Variants in EFL1 observed in about 807,000 individuals in gnomAD.
EFL1 encodes the protein elongation factor like GTPase 1.
EFL1 carries 76 observed loss-of-function variants against 126.7 expected under a neutral mutation model. The ratio of observed to expected loss-of-function variants is 0.60; its 90% CI spans 0.50 to 0.73. The LOEUF (loss-of-function observed/expected upper bound fraction) is 0.73. Ranked by LOEUF, EFL1 falls within the 30% of genes least tolerant of loss-of-function variation. The probability of loss-of-function intolerance (pLI) is 0.00; values close to 1 mark genes in which losing one functional copy is unlikely to be tolerated. For synonymous variants in EFL1, 410 were observed against 448.4 expected (o/e 0.91, Z 1.08); for missense variants, 1,128 against 1,343.2 (o/e 0.84, Z 2.50).
Position 82,208,666 on chromosome 15 carries a change from G to A in EFL1, c.1750+6051C>T, listed in dbSNP as rs530892104. 2.8e-4 allele frequency among the ~76,000 whole-genome samples: 42 copies of A among 152,084 alleles called. No individual in the cohort carries two copies. The Middle Eastern group carries it at 0.01, about 37-fold the overall frequency. ...TTTTTTAACGCAGGAATTCAAGGAC[G>A]CCTTAATAATCAGGAAATTAAATAT... is the stretch of plus-strand genomic sequence containing the variant. On this transcript the variant is annotated intron_variant, in intron 15 of 19. Coordinates refer to ENST00000268206, the MANE Select transcript of EFL1 (RefSeq NM_024580.6).
At chr15:82,156,604 A>G (rs918307908) in intron 17 of EFL1, among the ~76,000 whole-genome samples, 4 of 146,788 alleles carry the variant, frequency 2.7e-5, no homozygotes, top group African/African-American at 1.1e-4. Context: ...TTCTTATTCT[A>G]TTATTAGTAC....
At chr15:82,248,401 A>G (rs912978232) in intron 4 of EFL1, among the ~76,000 whole-genome samples, 1 of 152,134 alleles carries the variant, frequency 6.6e-6, no homozygotes, top group African/African-American at 2.4e-5. Context: ...ATAAGAGATG[A>G]CTTTCTGCTA....
chr15:82,173,194 GA>G (rs931992220), intron 15 of EFL1, among the ~76,000 whole-genome samples: 6 of 151,864 alleles, frequency 4.0e-5, no homozygotes, highest in African/African-American at 7.2e-5. Context: ...AATCAACATA[GA>G]AAAAAAATCT....
intron 3 of EFL1, among the ~76,000 whole-genome samples, chr15:82,255,751 A>G (rs1235849837): frequency 6.6e-6 from 1 of 152,146 alleles, no homozygotes; most frequent in Non-Finnish European, 1.5e-5. Flanking sequence ...TCTTTTTCCC[A>G]CAGATCTGAA....
At chr15:82,223,217 A>G (rs1221473682) in intron 12 of EFL1, among the ~76,000 whole-genome samples, 2 of 151,848 alleles carry the variant, frequency 1.3e-5, no homozygotes, top group Non-Finnish European at 2.9e-5. Flanking sequence ...CTATCAAACC[A>G]ACTTCCAATG....
intron 11 of EFL1, 73 bp from the exon 12 acceptor site, chr15:82,225,337 A>G: frequency 8.3e-7 from 1 of 1,206,098 alleles, no homozygotes; most frequent in Non-Finnish European, 1.1e-6. Flanking sequence ...TTTCTGGAAA[A>G]CAATTAAAAT....
chr15:82,208,300 G>A lies in EFL1; in HGVS notation c.1750+6417C>T, dbSNP rs917655851. 7.9e-5 allele frequency among the ~76,000 whole-genome samples: 12 copies of A among 152,246 alleles called. 1 individual carries two copies. Among genetic ancestry groups the A allele is most frequent in the Admixed American group, 6.5e-5 (1 of 15,300 alleles). ...CTTTTGAAGAAAAGGTAATTCTTAC[G>A]TCATATACACATTTCTCAAGAGCAG... On this transcript the variant is annotated intron_variant, in intron 15 of 19. Transcript: ENST00000268206.
chr15:82,245,283 C>T (rs1206683996), intron 4 of EFL1, among the ~76,000 whole-genome samples: 1 of 151,978 alleles, frequency 6.6e-6, no homozygotes, highest in East Asian at 1.9e-4. Flanking sequence ...TCCCAAGTAG[C>T]AGGGACTGCA....
chr15:82,175,963 C>CA (rs2074190830), intron 15 of EFL1, among the ~76,000 whole-genome samples: 1 of 151,748 alleles, frequency 6.6e-6, no homozygotes, highest in South Asian at 2.1e-4. Context: ...CTTTTAAAAC[C>CA]AAAAAATTAT....
rs2073916129 is a variant in EFL1 at position 82,152,045 on chromosome 15, G to C, written c.2409C>G (p.Phe803Leu). Residue 803 changes from phenylalanine (F) to leucine (L), a missense_variant, in exon 18 of 20, where the codon TTC becomes TTG. This residue lies in a region of EFL1 where 561 missense variants were observed against 641.7 expected (regional missense o/e 0.87). Transcript: ENST00000268206. ...TTAGGTGTTGCTCCAGTTTTCCTTT[G>C]AATTCCCAAATTTTCTCTTGGGTCT... is the stretch of plus-strand genomic sequence containing the variant. ...HQKTQEKIWE[F>L]KGKLEQHLTG... The C allele has an allele frequency of 6.2e-7, 1 of 1,614,052 alleles. No individual in the cohort carries two copies.
intron 3 of EFL1, among the ~76,000 whole-genome samples, chr15:82,258,500 G>A (rs751159091): frequency 6.6e-6 from 1 of 152,124 alleles, no homozygotes; most frequent in Non-Finnish European, 1.5e-5. Context: ...GCAGTGAGCC[G>A]TGCATGATCA....
intron 15 of EFL1, among the ~76,000 whole-genome samples, chr15:82,205,431 A>G (rs1289049408): frequency 6.6e-6 from 1 of 152,194 alleles, no homozygotes; most frequent in Admixed American, 6.5e-5. Context: ...GGAAGAGACT[A>G]TAAACCTTGT....
intron 17 of EFL1, among the ~76,000 whole-genome samples, chr15:82,154,420 T>C (rs927354579): frequency 3.3e-5 from 5 of 152,182 alleles, no homozygotes; most frequent in African/African-American, 1.2e-4. Context: ...TTGAAAAAGA[T>C]TATATACTAC....
intron 7 of EFL1, among the ~76,000 whole-genome samples, chr15:82,234,670 A>T (rs2659131): frequency 1.3e-4 from 20 of 152,318 alleles, no homozygotes; most frequent in Admixed American, 1.1e-3. Flanking sequence ...GTTAGGCTAC[A>T]CCCAAGCCTT....
chr15:82,262,192 C>G (rs962906681), intron 1 of EFL1: 1 of 159,802 alleles, frequency 6.3e-6, no homozygotes, highest in African/African-American at 2.4e-5. Flanking sequence ...CTCCCTTTCT[C>G]TCTTCAGTCT....
Position 82,130,552 on chromosome 15 carries a change from T to G in EFL1, c.3184A>C (p.Ser1062Arg), listed in dbSNP as rs778153572. Residue 1062 changes from serine (S) to arginine (R), a missense_variant, in exon 20 of 20, where the codon AGT becomes CGT. Around this residue, in one of 6 missense-constraint regions of EFL1, gnomAD observed 561 missense variants for 641.7 expected, o/e 0.87. Transcript: ENST00000268206. Reference sequence around the variant, plus strand: ...GTAGTTGGCACCCAGAAGGGGTCACTGGGAATGATCTTGTAAAAGAAGATG... The same window carrying G: ...GTAGTTGGCACCCAGAAGGGGTCACGGGGAATGATCTTGTAAAAGAAGATG... Reference protein sequence around the residue: ...LVFSHWEIIPSDPFWVPTTEE... With the variant: ...LVFSHWEIIPRDPFWVPTTEE... 3 of 1,613,826 alleles carry G rather than the reference T, an allele frequency of 1.9e-6. No homozygotes were observed. Among genetic ancestry groups the G allele is most frequent in the Non-Finnish European group, 2.5e-6 (3 of 1,179,942 alleles).
At chr15:82,253,935 C>T (rs1416424792) in intron 3 of EFL1, among the ~76,000 whole-genome samples, 2 of 152,200 alleles carry the variant, frequency 1.3e-5, no homozygotes, top group Non-Finnish European at 2.9e-5. Flanking sequence ...CTTACCCTTC[C>T]TCCATTCTCT....
At chr15:82,228,819 T>C (rs2074791182) in intron 9 of EFL1, among the ~76,000 whole-genome samples, 1 of 152,232 alleles carries the variant, frequency 6.6e-6, no homozygotes, top group Admixed American at 6.5e-5. Flanking sequence ...CAGCACTCTA[T>C]AAAATATTGC....
chr15:82,228,906 C>G, intron 9 of EFL1, 128 bp downstream of exon 9: 1 of 755,826 alleles, frequency 1.3e-6, no homozygotes. Context: ...CTGTAATCAA[C>G]TCATCTGTAG....
Sources: gnomAD v4.1 joint callset for allele counts (sites outside exome capture counted in the v4.1 genomes callset) on GRCh38, gnomAD v4.1.1 for gene constraint, gnomAD v4.1.1 regional missense constraint, MANE v1.5 for transcripts, NCBI Gene and HGNC (gene_info 2026-07-23, HGNC 2026-07-21) for gene names.